DIS3L2: variants seen among roughly 807,000 people sequenced by gnomAD.
DIS3L2 encodes DIS3-like exonuclease 2.
DIS3L2 carries 34 observed loss-of-function variants against 97.5 expected under a neutral mutation model. That is an observed-to-expected ratio of 0.35 (90% confidence interval 0.27 to 0.46). The LOEUF (loss-of-function observed/expected upper bound fraction) is 0.46, where lower values mean the gene tolerates loss of function less well. DIS3L2 is among the 20% of genes least tolerant of loss of function. The pLI is 1.00. For missense variants in DIS3L2, 1,038 were observed against 1,146.0 expected (o/e 0.91, Z 1.36); for synonymous variants, 435 against 445.2 (o/e 0.98, Z 0.29).
intron 13 of DIS3L2, among the ~76,000 whole-genome samples, chr2:232,266,516 C>T (rs1334275203): frequency 2.0e-5 from 3 of 152,184 alleles, no homozygotes; most frequent in Non-Finnish European, 4.4e-5. Context: ...GCTTTGCACC[C>T]TTGGAGTTGA....
At chr2:232,091,839 A>G (rs1184825555) in intron 6 of DIS3L2, among the ~76,000 whole-genome samples, 2 of 152,112 alleles carry the variant, frequency 1.3e-5, no homozygotes, top group Admixed American at 6.6e-5. Context: ...AATAAAAGCC[A>G]TTTTAACCAG....
At chr2:232,053,233 A>G (rs1695456580) in intron 5 of DIS3L2, among the ~76,000 whole-genome samples, 1 of 152,222 alleles carries the variant, frequency 6.6e-6, no homozygotes, top group Non-Finnish European at 1.5e-5. Context: ...TTTTCAAGGT[A>G]CTTCTGTTAA....
At chr2:232,262,419 G>A (rs1559180651) in intron 12 of DIS3L2, among the ~76,000 whole-genome samples, 1 of 152,084 alleles carries the variant, frequency 6.6e-6, no homozygotes, top group Non-Finnish European at 1.5e-5. Context: ...CCCACCGCTC[G>A]GCTGGCACCA....
intron 5 of DIS3L2, among the ~76,000 whole-genome samples, chr2:232,052,282 C>T (rs973229185): frequency 5.3e-5 from 8 of 152,162 alleles, no homozygotes; most frequent in Non-Finnish European, 7.4e-5. Flanking sequence ...CCTCGGCTTC[C>T]CAAAATGTTG....
chr2:232,287,970 C>T (rs1694491528), intron 13 of DIS3L2, among the ~76,000 whole-genome samples: 1 of 152,134 alleles, frequency 6.6e-6, no homozygotes, highest in Non-Finnish European at 1.5e-5. Context: ...TTCTGAGCGA[C>T]CAATTAAGAG....
rs186236671 is a variant in DIS3L2 at position 232,028,902 on chromosome 2, A to G, written c.265-1077A>G. ...GCCACAGCTGTCAACCCATAGCTAA[A>G]CTGGAAATTGAGCAGAAAAACTATT... On this transcript the variant is annotated intron_variant, in intron 4 of 20. Coordinates refer to ENST00000325385, the MANE Select transcript of DIS3L2 (RefSeq NM_152383.5). 7.9e-4 allele frequency among the ~76,000 whole-genome samples: 120 copies of G among 152,304 alleles called. 1 individual carries two copies. Among genetic ancestry groups the G allele is most frequent in the African/African-American group, 2.9e-3 (119 of 41,576 alleles).
chr2:232,008,696 C>T (rs3116218), intron 1 of DIS3L2, among the ~76,000 whole-genome samples: 118,647 of 152,132 alleles, frequency 0.78, 46,970 homozygotes, highest in African/African-American at 0.9. Context: ...TTCCCATGTG[C>T]AGGCTGAGGA....
At chr2:232,082,959 C>A (rs1206883737) in intron 5 of DIS3L2, among the ~76,000 whole-genome samples, 1 of 152,182 alleles carries the variant, frequency 6.6e-6, no homozygotes, top group African/African-American at 2.4e-5. Context: ...GCACATTTCA[C>A]ATGGCGGCCT....
At chr2:232,056,824 G>A (rs537053904) in intron 5 of DIS3L2, among the ~76,000 whole-genome samples, 5 of 152,232 alleles carry the variant, frequency 3.3e-5, no homozygotes, top group African/African-American at 9.6e-5. Context: ...TATACTGCTA[G>A]TGGGAATGTC....
At chr2:232,051,703 T>G (rs1281396935) in intron 5 of DIS3L2, among the ~76,000 whole-genome samples, 8 of 146,054 alleles carry the variant, frequency 5.5e-5, no homozygotes, top group African/African-American at 2.0e-4. Flanking sequence ...TCCCAGCTAC[T>G]TGGGAGGCTG....
rs971133079 is a variant in DIS3L2 at position 232,299,975 on chromosome 2, T to G, written c.1660-65T>G. On this transcript the variant is annotated intron_variant, in intron 13 of 20. Coordinates refer to ENST00000325385, the MANE Select transcript of DIS3L2 (RefSeq NM_152383.5). Reference sequence around the variant, plus strand: ...CTTCGTTTGATTTTATTTTTTTCATTTCAGCTATTGGAATGAATAGAGCAT... The same window carrying G: ...CTTCGTTTGATTTTATTTTTTTCATGTCAGCTATTGGAATGAATAGAGCAT... 2.0e-6 allele frequency: 3 copies of G among 1,500,958 alleles called. No homozygotes were observed. In the African/African-American group the frequency reaches 4.1e-5, roughly 21 times the overall value. 93.0% of individuals were successfully genotyped at this position (1,500,958 alleles called of 1,614,324 possible). A position where few individuals can be genotyped will look rare whatever the true frequency, so the allele number is the denominator to read the frequency against.
intron 5 of DIS3L2, among the ~76,000 whole-genome samples, chr2:232,054,528 A>G (rs1398327485): frequency 6.6e-6 from 1 of 152,234 alleles, no homozygotes; most frequent in Non-Finnish European, 1.5e-5. Flanking sequence ...TAGGGAAAGA[A>G]CAACCAACCA....
chr2:232,068,012 A>G (rs986214471), intron 5 of DIS3L2, among the ~76,000 whole-genome samples: 3 of 151,528 alleles, frequency 2.0e-5, no homozygotes, highest in African/African-American at 7.3e-5. Context: ...TGGGGAGAGA[A>G]GGATTATCCA....
At chr2:232,288,046 C>G (rs1313308708) in intron 13 of DIS3L2, among the ~76,000 whole-genome samples, 2 of 152,168 alleles carry the variant, frequency 1.3e-5, no homozygotes, top group African/African-American at 2.4e-5. Flanking sequence ...CCAGGAGGTG[C>G]TGCTAACCCC....
intron 14 of DIS3L2, among the ~76,000 whole-genome samples, chr2:232,313,410 T>C (rs1695186523): frequency 6.6e-6 from 1 of 152,238 alleles, no homozygotes; most frequent in South Asian, 2.1e-4. Context: ...ATTTTAACCT[T>C]GTGAGGAGGT....
chr2:232,238,885 C>T (rs566395009), intron 11 of DIS3L2, among the ~76,000 whole-genome samples: 4 of 152,124 alleles, frequency 2.6e-5, no homozygotes, highest in South Asian at 4.1e-4. Context: ...AAGCAGGGCT[C>T]GGCAAACTCA....
intron 5 of DIS3L2, among the ~76,000 whole-genome samples, chr2:232,066,542 T>C (rs1214228513): frequency 6.6e-6 from 1 of 152,048 alleles, no homozygotes; most frequent in African/African-American, 2.4e-5. Context: ...GGTATTATTA[T>C]GTCTTTGGTT....
At chr2:231,984,756 A>T (rs974239905) in intron 1 of DIS3L2, among the ~76,000 whole-genome samples, 1 of 151,964 alleles carries the variant, frequency 6.6e-6, no homozygotes, top group South Asian at 2.1e-4. Flanking sequence ...AGTAACTGGG[A>T]TTACATGCGT....
chr2:232,217,899 T>C (rs1354578237), intron 10 of DIS3L2, among the ~76,000 whole-genome samples: 4 of 152,128 alleles, frequency 2.6e-5, no homozygotes, highest in Non-Finnish European at 2.9e-5. Flanking sequence ...AGAAATGTGA[T>C]TGGGCAAAAA....
Sources: allele counts gnomAD v4.1 joint callset (sites outside exome capture counted in the v4.1 genomes callset), GRCh38; gene constraint gnomAD v4.1.1; transcripts MANE v1.5; gene names NCBI Gene and HGNC (gene_info 2026-07-23, HGNC 2026-07-21).